RALGAPA1: variants seen among roughly 807,000 people sequenced by gnomAD.
RALGAPA1 encodes the protein Ral GTPase activating protein catalytic subunit alpha 1.
A neutral mutation model predicts 269.6 loss-of-function variants in RALGAPA1; 52 were observed. The observed-to-expected ratio is 0.19, with a 90% CI of 0.15 to 0.24. The LOEUF (loss-of-function observed/expected upper bound fraction) is 0.24. RALGAPA1 is among the 10% of genes least tolerant of loss of function. The probability of loss-of-function intolerance (pLI) is 1.00; values close to 1 mark genes in which losing one functional copy is unlikely to be tolerated. For synonymous variants in RALGAPA1, 817 were observed against 1,008.3 expected, an observed-to-expected ratio of 0.81 and a Z score of 3.60; for missense variants, 1,917 against 3,013.9, an observed-to-expected ratio of 0.64 and a Z score of 8.52.
chr14:35,607,237 C>A (rs780122636), intron 35 of RALGAPA1, among the ~76,000 whole-genome samples: 1 of 152,136 alleles, frequency 6.6e-6, no homozygotes, highest in Non-Finnish European at 1.5e-5. Context: ...GTTTCCTTGC[C>A]CCACTCCCTC....
chr14:35,680,424 G>A (rs1267902708), intron 21 of RALGAPA1, among the ~76,000 whole-genome samples: 4 of 151,702 alleles, frequency 2.6e-5, no homozygotes, highest in Admixed American at 2.6e-4. Flanking sequence ...TGGCCAGGCT[G>A]GTCTCGAACT....
intron 16 of RALGAPA1, among the ~76,000 whole-genome samples, chr14:35,700,998 A>G (rs1356970490): frequency 6.6e-6 from 1 of 152,154 alleles, no homozygotes; most frequent in Non-Finnish European, 1.5e-5. Context: ...AAAAATAGAT[A>G]ATTTTGTGCT....
intron 1 of RALGAPA1, among the ~76,000 whole-genome samples, chr14:35,808,279 C>G (rs1024922147): frequency 6.6e-6 from 1 of 152,130 alleles, no homozygotes; most frequent in African/African-American, 2.4e-5. Context: ...GCCCACTTCC[C>G]AAAGAGGTGT....
chr14:35,785,030 T>C (rs1454829518), intron 1 of RALGAPA1, among the ~76,000 whole-genome samples: 1 of 152,076 alleles, frequency 6.6e-6, no homozygotes, highest in Non-Finnish European at 1.5e-5. Context: ...AGCAAATAAA[T>C]AAATAAAAAT....
intron 26 of RALGAPA1, among the ~76,000 whole-genome samples, chr14:35,666,884 A>C (rs953363046): frequency 3.5e-4 from 54 of 152,342 alleles, no homozygotes; most frequent in African/African-American, 1.3e-3. Context: ...TAGTTTTCAC[A>C]GTAAATTAAT....
At chr14:35,583,795 G>T (rs1202608794) in intron 37 of RALGAPA1, among the ~76,000 whole-genome samples, 2 of 152,042 alleles carry the variant, frequency 1.3e-5, no homozygotes, top group Non-Finnish European at 2.9e-5. Context: ...AGAGTAGAGT[G>T]AAATATTTAA....
At chr14:35,757,184 C>T (rs1286064178) in intron 6 of RALGAPA1, among the ~76,000 whole-genome samples, 1 of 150,682 alleles carries the variant, frequency 6.6e-6, no homozygotes, top group Non-Finnish European at 1.5e-5. Flanking sequence ...ATGAATGGCA[C>T]GATCTCGGCT....
At chr14:35,600,186 A>T (rs891777908) in intron 36 of RALGAPA1, among the ~76,000 whole-genome samples, 30 of 89,816 alleles carry the variant, frequency 3.3e-4, no homozygotes, top group South Asian at 7.2e-4. Flanking sequence ...TCTGTTCATT[A>T]TTTTTAGGTT....
intron 37 of RALGAPA1, among the ~76,000 whole-genome samples, chr14:35,579,402 G>A (rs1001718626): frequency 9.2e-5 from 14 of 152,094 alleles, no homozygotes; most frequent in South Asian, 6.2e-4. Flanking sequence ...AGGCTGAGGC[G>A]GGCAGATCAT....
At chr14:35,675,296 C>A (rs2064846792) in intron 22 of RALGAPA1, among the ~76,000 whole-genome samples, 1 of 152,162 alleles carries the variant, frequency 6.6e-6, no homozygotes. Context: ...CTGCCTCAGC[C>A]TCCCAAGTAG....
intron 37 of RALGAPA1, among the ~76,000 whole-genome samples, chr14:35,595,147 G>A (rs1047091625): frequency 2.0e-5 from 3 of 151,792 alleles, no homozygotes; most frequent in African/African-American, 7.3e-5. Flanking sequence ...GGTTACCAGG[G>A]GTGGAGTGGG....
At chr14:35,624,564 G>A (rs893311452) in intron 35 of RALGAPA1, among the ~76,000 whole-genome samples, 1 of 151,930 alleles carries the variant, frequency 6.6e-6, no homozygotes, top group Admixed American at 6.6e-5. Context: ...CCTGAAGCAG[G>A]CAGAGATGGC....
At chr14:35,692,493 GTT>G (rs77803792) in intron 17 of RALGAPA1, among the ~76,000 whole-genome samples, 1 of 135,764 alleles carries the variant, frequency 7.4e-6, no homozygotes. Context: ...TTCAGCCTAT[GTT>G]TTTTTTTTTT....
At chr14:35,719,635 TG>T (rs58952786) in intron 16 of RALGAPA1, among the ~76,000 whole-genome samples, 19,847 of 152,164 alleles carry the variant, frequency 0.13, 2,222 homozygotes, top group East Asian at 0.37. Context: ...CTTCCCTAAA[TG>T]TAACTTTCCA....
chr14:35,539,780 C>T, intron 41 of RALGAPA1, 90 bp from the exon 42 acceptor site: 1 of 1,530,820 alleles, frequency 6.5e-7, no homozygotes, highest in East Asian at 2.3e-5. Flanking sequence ...CAGCAAGGAT[C>T]CCATCCCTTA....
intron 30 of RALGAPA1, among the ~76,000 whole-genome samples, 194 bp downstream of exon 30, chr14:35,654,173 A>G (rs1048415441): frequency 6.6e-6 from 1 of 152,180 alleles, no homozygotes; most frequent in Non-Finnish European, 1.5e-5. Context: ...TTTGTCCAAA[A>G]CCAGGAATGC....
Position 35,780,328 on chromosome 14 carries a change from C to T in RALGAPA1, c.107-4583G>A, listed in dbSNP as rs570328511. On this transcript the variant is annotated intron_variant, in intron 1 of 41. Transcript: ENST00000680220. ...ACTTTCAATAATGAATAGAACTAGA[C>T]AGAAGGGAAAATAGAAGACCTAAAC... Among the ~76,000 whole-genome samples the T allele has an allele frequency of 7.9e-5, 12 of 152,168 alleles. No individual in the cohort carries two copies. The East Asian group carries it at 1.4e-3, about 17-fold the overall frequency.
At chr14:35,802,105 C>T (rs961934355) in intron 1 of RALGAPA1, among the ~76,000 whole-genome samples, 4 of 152,108 alleles carry the variant, frequency 2.6e-5, no homozygotes, top group East Asian at 1.9e-4. Context: ...GTCAGGAGTT[C>T]GAGACCAGCC....
At chr14:35,725,328 T>C (rs2069793823) in intron 13 of RALGAPA1, among the ~76,000 whole-genome samples, 175 bp from the exon 14 acceptor site, 1 of 152,224 alleles carries the variant, frequency 6.6e-6, no homozygotes. Context: ...ATTTTATGTA[T>C]CTACATCAAT....
Sources: gnomAD v4.1 joint callset for allele counts (sites outside exome capture counted in the v4.1 genomes callset) on GRCh38, gnomAD v4.1.1 for gene constraint, MANE v1.5 for transcripts, NCBI Gene and HGNC (gene_info 2026-07-23, HGNC 2026-07-21) for gene names.